The following NCKAP5 variants were observed in gnomAD, a reference collection of about 807,000 sequenced individuals.
The protein encoded by NCKAP5 is NCK associated protein 5.
A neutral mutation model predicts 167.0 loss-of-function variants in NCKAP5; 92 were observed. The ratio of observed to expected loss-of-function variants is 0.55; its 90% CI spans 0.47 to 0.66. The LOEUF (loss-of-function observed/expected upper bound fraction) is 0.66, where lower values mean the gene tolerates loss of function less well. NCKAP5 is among the 30% of genes least tolerant of loss of function. The pLI is 0.00. For missense variants in NCKAP5, 2,378 were observed against 2,315.0 expected, an observed-to-expected ratio of 1.03 and a Z score of -0.56; for synonymous variants, 891 against 877.4, an observed-to-expected ratio of 1.02 and a Z score of -0.27.
chr2:133,130,020 C>T lies in NCKAP5; in HGVS notation c.299G>A (p.Arg100His), dbSNP rs760788017. 5.6e-6 allele frequency: 9 copies of T among 1,610,866 alleles called. No homozygotes were observed. The highest frequency in any genetic ancestry group is 2.7e-5 in the African/African-American group (2 of 74,798). The change falls in exon 6 of 20, where the codon CGC (arginine) becomes CAC (histidine). Residue 100 changes from arginine to histidine, a missense_variant. This residue lies in a region of NCKAP5 where 1,049 missense variants were observed against 1,023.4 expected (regional missense o/e 1.02). Transcript: ENST00000409261. ...RLQEVTLESE[R>H]NRIQMRSLQQ... ...CAAGCTACGCATCTGAATTCTGTTG[C>T]GTTCAGACTCTAGGGTCACCTCCTG... is the stretch of plus-strand genomic sequence containing the variant.
At chr2:133,028,005 G>A (rs2078754742) in intron 6 of NCKAP5, among the ~76,000 whole-genome samples, 1 of 152,084 alleles carries the variant, frequency 6.6e-6, no homozygotes. Flanking sequence ...TTTGAGCATC[G>A]ACAAGATATG....
intron 6 of NCKAP5, among the ~76,000 whole-genome samples, chr2:133,104,555 T>G (rs2081620778): frequency 6.6e-6 from 1 of 152,244 alleles, no homozygotes; most frequent in Non-Finnish European, 1.5e-5. Flanking sequence ...TGAATTGCCA[T>G]GTTTTTCATT....
chr2:132,995,449 G>C (rs1276932225), intron 6 of NCKAP5, among the ~76,000 whole-genome samples: 1 of 149,998 alleles, frequency 6.7e-6, no homozygotes, highest in East Asian at 2.0e-4. Flanking sequence ...TCAGGAGTTT[G>C]AAACTAGCCT....
chr2:132,775,866 G>C (rs1003714745), intron 15 of NCKAP5, among the ~76,000 whole-genome samples: 2 of 152,186 alleles, frequency 1.3e-5, no homozygotes, highest in African/African-American at 2.4e-5. Context: ...ATGTAAAATA[G>C]TATTTCCTTT....
At chr2:133,508,034 A>G (rs978060070) in intron 3 of NCKAP5, among the ~76,000 whole-genome samples, 3 of 152,226 alleles carry the variant, frequency 2.0e-5, no homozygotes, top group Non-Finnish European at 2.9e-5. Context: ...TGATTTAGCT[A>G]TGTGATGCAT....
the NCKAP5 span, among the ~76,000 whole-genome samples, chr2:133,623,551 G>C: frequency 5.3e-5 from 8 of 151,574 alleles, no homozygotes; most frequent in Non-Finnish European, 1.2e-4. Flanking sequence ...ATGGAAAAAT[G>C]TTCAACACCA....
intron 2 of NCKAP5, chr2:133,527,182 C>A (rs1431249822): frequency 1.3e-5 from 2 of 152,030 alleles, no homozygotes; most frequent in Non-Finnish European, 2.9e-5. Context: ...CTCTGCAAAG[C>A]CTGCTGAGAG....
intron 6 of NCKAP5, among the ~76,000 whole-genome samples, chr2:133,004,383 G>A (rs2149341888): frequency 6.6e-6 from 1 of 152,236 alleles, no homozygotes; most frequent in East Asian, 1.9e-4. Context: ...TTCCCTAAGT[G>A]TTGGCCGCTC....
chr2:133,307,346 G>C (rs771060002), intron 3 of NCKAP5, among the ~76,000 whole-genome samples: 8 of 152,142 alleles, frequency 5.3e-5, no homozygotes, highest in African/African-American at 9.7e-5. Context: ...TACTTGATAA[G>C]ATTTGAAATG....
intron 3 of NCKAP5, among the ~76,000 whole-genome samples, chr2:133,478,566 T>C (rs1355560914): frequency 1.3e-5 from 2 of 152,148 alleles, no homozygotes; most frequent in African/African-American, 4.8e-5. Context: ...TCAATTATAG[T>C]CCACCAGGGC....
At chr2:132,964,631 C>T (rs973218369) in intron 7 of NCKAP5, among the ~76,000 whole-genome samples, 1 of 152,084 alleles carries the variant, frequency 6.6e-6, no homozygotes, top group Non-Finnish European at 1.5e-5. Flanking sequence ...CCATTTTGTG[C>T]ATGGAGACTC....
the NCKAP5 span, among the ~76,000 whole-genome samples, chr2:133,611,831 T>C: frequency 6.6e-6 from 1 of 152,176 alleles, no homozygotes; most frequent in East Asian, 1.9e-4. Context: ...CTTTTATAGA[T>C]GGGACATGAT....
rs531606412 is a variant in NCKAP5, at chr2:132,683,705, G to T, written c.5714-10400C>A. ...ACCCTTTTCTTAAATTCTTTCTTCAGCCAGCAAGTGTCACCTCACCTGGTC... is the reference window on the plus strand; with the variant it reads ...ACCCTTTTCTTAAATTCTTTCTTCATCCAGCAAGTGTCACCTCACCTGGTC... On this transcript the variant is annotated intron_variant, in intron 19 of 19. Transcript: ENST00000409261. 6.6e-5 allele frequency among the ~76,000 whole-genome samples: 10 copies of T among 152,242 alleles called. No individual in the cohort carries two copies. The South Asian group carries it at 1.7e-3, about 25-fold the overall frequency.
At chr2:132,990,713 C>T (rs1476146539) in intron 7 of NCKAP5, among the ~76,000 whole-genome samples, 3 of 152,136 alleles carry the variant, frequency 2.0e-5, no homozygotes, top group African/African-American at 7.2e-5. Flanking sequence ...GCAAGGGCCA[C>T]AAGCTAAGGA....
chr2:133,399,462 G>A (rs1262751557), intron 3 of NCKAP5, among the ~76,000 whole-genome samples: 2 of 151,962 alleles, frequency 1.3e-5, no homozygotes, highest in Non-Finnish European at 2.9e-5. Flanking sequence ...AAGGCAGGGA[G>A]AAAAGAGTTC....
At chr2:133,393,990 A>G (rs899364229) in intron 3 of NCKAP5, among the ~76,000 whole-genome samples, 1 of 152,180 alleles carries the variant, frequency 6.6e-6, no homozygotes, top group Admixed American at 6.5e-5. Flanking sequence ...CCCCATTTGC[A>G]TATTCTTTCA....
intron 16 of NCKAP5, among the ~76,000 whole-genome samples, chr2:132,762,637 T>C (rs1024666726): frequency 4.6e-5 from 7 of 152,186 alleles, no homozygotes; most frequent in African/African-American, 7.2e-5. Context: ...GCTGCAGGTC[T>C]GCCTCTGGCT....
intron 3 of NCKAP5, among the ~76,000 whole-genome samples, chr2:133,462,715 T>A (rs1692277683): frequency 6.6e-6 from 1 of 152,112 alleles, no homozygotes; most frequent in Non-Finnish European, 1.5e-5. Flanking sequence ...CCCATGTCAG[T>A]AAGTTATGAT....
chr2:133,485,758 C>A (rs1238531027), intron 3 of NCKAP5, among the ~76,000 whole-genome samples: 2 of 151,974 alleles, frequency 1.3e-5, no homozygotes, highest in African/African-American at 2.4e-5. Context: ...TCTTCTGTAG[C>A]ATTTTATTTG....
Sources: gnomAD v4.1 joint callset for allele counts (sites outside exome capture counted in the v4.1 genomes callset) on GRCh38, gnomAD v4.1.1 for gene constraint, gnomAD v4.1.1 regional missense constraint, MANE v1.5 for transcripts, NCBI Gene and HGNC (gene_info 2026-07-23, HGNC 2026-07-21) for gene names.